GALNT14: variants seen among roughly 807,000 people sequenced by gnomAD.
The protein encoded by GALNT14 is polypeptide N-acetylgalactosaminyltransferase 14, also known as UDP-GalNAc:polypeptide N-acetylgalactosaminyltransferase 14.
A neutral mutation model predicts 77.5 loss-of-function variants in GALNT14; 60 were observed. The ratio of observed to expected loss-of-function variants is 0.77; its 90% CI spans 0.63 to 0.96. The LOEUF (loss-of-function observed/expected upper bound fraction) is 0.96. GALNT14 is among the 40% of genes least tolerant of loss of function. The pLI, the probability that GALNT14 is intolerant of heterozygous loss-of-function variation, is 0.00. For synonymous variants in GALNT14, 280 were observed against 281.7 expected (o/e 0.99, Z 0.06); for missense variants, 710 against 731.0 (o/e 0.97, Z 0.33).
intron 1 of GALNT14, among the ~76,000 whole-genome samples, chr2:31,007,905 C>T (rs1050734516): frequency 3.3e-5 from 5 of 152,114 alleles, no homozygotes; most frequent in Admixed American, 6.5e-5. Context: ...CTTCCTATGC[C>T]CTTGCCCTCA....
chr2:30,945,654 T>C (rs1231468543), intron 7 of GALNT14, 129 bp downstream of exon 7: 3 of 728,322 alleles, frequency 4.1e-6, no homozygotes, highest in Admixed American at 2.1e-5. Flanking sequence ...AAGGTAATTA[T>C]AGTGCAGGTT....
intron 1 of GALNT14, among the ~76,000 whole-genome samples, chr2:31,039,333 C>T (rs1672954429): frequency 6.6e-6 from 1 of 152,168 alleles, no homozygotes; most frequent in African/African-American, 2.4e-5. Context: ...GCAGCATTTC[C>T]TTAGCACTTC....
intron 1 of GALNT14, among the ~76,000 whole-genome samples, chr2:31,058,171 C>A (rs1674355340): frequency 1.3e-5 from 2 of 152,322 alleles, no homozygotes; most frequent in East Asian, 3.9e-4. Flanking sequence ...CCACTGCCTG[C>A]AACAGCTGTT....
Position 30,912,356 on chromosome 2 carries a change from G to T in GALNT14, c.1381-14C>A. 2 of 1,613,338 alleles carry T rather than the reference G, an allele frequency of 1.2e-6. No homozygotes were observed. Among genetic ancestry groups the T allele is most frequent in the Non-Finnish European group, 1.7e-6 (2 of 1,179,666 alleles). On this transcript the variant is annotated splice_polypyrimidine_tract_variant and intron_variant, in intron 13 of 14. Transcript: ENST00000349752. ...GAAGGCCCATACCTGGGGAGAAAGA[G>T]ACCAGGAAGGTTTGTTCAGGATCCA...
At chr2:30,956,814 C>T (rs1255915977) in intron 4 of GALNT14, among the ~76,000 whole-genome samples, 3 of 152,232 alleles carry the variant, frequency 2.0e-5, no homozygotes, top group Non-Finnish European at 4.4e-5. Flanking sequence ...TTCCCCATTT[C>T]TCTTTTCTTA....
chr2:31,000,473 GTA>G (rs1553354619), intron 1 of GALNT14, among the ~76,000 whole-genome samples: 1 of 147,592 alleles, frequency 6.8e-6, no homozygotes, highest in Non-Finnish European at 1.5e-5. Flanking sequence ...GTGTGTGTGT[GTA>G]TACACAGAAA....
chr2:31,017,923 G>C (rs1671475233), intron 1 of GALNT14, among the ~76,000 whole-genome samples: 1 of 152,254 alleles, frequency 6.6e-6, no homozygotes, highest in Non-Finnish European at 1.5e-5. Flanking sequence ...TGAGATGTCT[G>C]TGTGAGTAAT....
chr2:30,904,790 T>C, the GALNT14 span, among the ~76,000 whole-genome samples: 1 of 152,284 alleles, frequency 6.6e-6, no homozygotes, highest in East Asian at 1.9e-4. Flanking sequence ...AGCAGTAACC[T>C]CTGCAGACTT....
intron 7 of GALNT14, 85 bp downstream of exon 7, chr2:30,945,698 C>A: frequency 2.7e-6 from 3 of 1,122,268 alleles, no homozygotes; most frequent in Non-Finnish European, 4.0e-6. Flanking sequence ...CAACTAAGAG[C>A]TTTTCCTTCA....
intron 1 of GALNT14, among the ~76,000 whole-genome samples, chr2:31,041,716 T>A (rs1475213490): frequency 6.6e-6 from 1 of 152,118 alleles, no homozygotes; most frequent in East Asian, 1.9e-4. Flanking sequence ...GGGGGTTTCC[T>A]TGAATTGCTG....
At chr2:31,103,682 T>C (rs902141799) in intron 1 of GALNT14, among the ~76,000 whole-genome samples, 1 of 152,212 alleles carries the variant, frequency 6.6e-6, no homozygotes, top group Non-Finnish European at 1.5e-5. Flanking sequence ...CCTGCTATTA[T>C]AGAATGAGGC....
chr2:31,067,826 A>C (rs1675079330), intron 1 of GALNT14, among the ~76,000 whole-genome samples: 1 of 152,232 alleles, frequency 6.6e-6, no homozygotes. Flanking sequence ...AGAAGGGCTC[A>C]GGGACTTAAG....
chr2:30,899,593 T>C, the GALNT14 span, among the ~76,000 whole-genome samples: 1 of 152,184 alleles, frequency 6.6e-6, no homozygotes, highest in Admixed American at 6.5e-5. Flanking sequence ...TCCTCCTTCT[T>C]TCTTCCTTCA....
At chr2:30,977,398 CTG>C (rs1347293254) in intron 2 of GALNT14, among the ~76,000 whole-genome samples, 1 of 152,158 alleles carries the variant, frequency 6.6e-6, no homozygotes, top group African/African-American at 2.4e-5. Context: ...GCCCTTCTCT[CTG>C]TCTTTTATCT....
chr2:31,069,075 T>C (rs890892039), intron 1 of GALNT14, among the ~76,000 whole-genome samples: 8 of 152,234 alleles, frequency 5.3e-5, no homozygotes. Context: ...AATTAGATTA[T>C]GTGCTTGTTG....
chr2:31,027,130 G>A (rs1356575605), intron 1 of GALNT14, among the ~76,000 whole-genome samples: 1 of 152,206 alleles, frequency 6.6e-6, no homozygotes, highest in Non-Finnish European at 1.5e-5. Flanking sequence ...GCCCTTGCAT[G>A]AGTGTTAAAA....
In GALNT14 at chr2:30,966,204, C is replaced by G; in HGVS notation, c.398G>C (p.Ser133Thr). 1 of 1,613,642 alleles carries G rather than the reference C, an allele frequency of 6.2e-7. No individual in the cohort carries two copies. The highest frequency in any genetic ancestry group is 8.5e-7 in the Non-Finnish European group (1 of 1,179,606). ...CAACAGACAAGCAAGGATGCCTCAC[C>G]TGCGGATGGTCCTGAGCAGCGTGGA... is the stretch of plus-strand genomic sequence containing the variant. ...ARSTLLRTIR[S>T]VLNRTPTHLI... The change falls in exon 3 of 15, where the codon AGT becomes ACT. Residue 133 changes from serine (S) to threonine (T), a missense_variant and splice_region_variant. Coordinates refer to ENST00000349752, the MANE Select transcript of GALNT14 (RefSeq NM_024572.4).
At chr2:31,024,618 GT>G (rs1671931200) in intron 1 of GALNT14, among the ~76,000 whole-genome samples, 2 of 152,240 alleles carry the variant, frequency 1.3e-5, no homozygotes, top group African/African-American at 4.8e-5. Flanking sequence ...TTATTCAGCT[GT>G]TTTTTCTTCA....
intron 1 of GALNT14, among the ~76,000 whole-genome samples, chr2:31,135,622 A>C (rs1679195659): frequency 6.6e-6 from 1 of 152,244 alleles, no homozygotes; most frequent in African/African-American, 2.4e-5. Flanking sequence ...AAGAAGGAAC[A>C]AGATGTTAAG....
Sources: gnomAD v4.1 joint callset for allele counts (sites outside exome capture counted in the v4.1 genomes callset) on GRCh38, gnomAD v4.1.1 for gene constraint, MANE v1.5 for transcripts, NCBI Gene and HGNC (gene_info 2026-07-23, HGNC 2026-07-21) for gene names.